Variants in SHTN1 observed in about 807,000 individuals in gnomAD.
SHTN1 encodes shootin 1.
SHTN1 carries 42 observed loss-of-function variants against 83.1 expected under a neutral mutation model. The observed-to-expected ratio is 0.51, with a 90% CI of 0.39 to 0.65. SHTN1 has a LOEUF of 0.65. SHTN1 is among the 30% of genes least tolerant of loss of function. The pLI is 0.00. For synonymous variants in SHTN1, 224 were observed against 247.7 expected (o/e 0.90, Z 0.90); for missense variants, 622 against 737.8 (o/e 0.84, Z 1.82).
chr10:116,972,774 G>C (rs1339915225), intron 2 of SHTN1, among the ~76,000 whole-genome samples: 1 of 152,220 alleles, frequency 6.6e-6, no homozygotes, highest in Non-Finnish European at 1.5e-5. Flanking sequence ...TCAAGGCTGA[G>C]GTAGAACCCA....
rs573610873 is a variant in SHTN1, at chr10:116,949,359, G to A, written c.535-362C>T. On this transcript the variant is annotated intron_variant, in intron 6 of 16. Coordinates refer to ENST00000355371, the MANE Select transcript of SHTN1 (RefSeq NM_001127211.3). ...TGCCGAGGCTGGTCTCGAACTCCTG[G>A]GCTCAAGCAATCCTCCTGCTTCAGC... 4.6e-5 allele frequency among the ~76,000 whole-genome samples: 7 copies of A among 152,060 alleles called. No homozygotes were observed. In the South Asian group the frequency reaches 1.5e-3, roughly 32 times the overall value.
intron 6 of SHTN1, among the ~76,000 whole-genome samples, chr10:116,951,538 T>C (rs543627251): frequency 2.0e-5 from 3 of 152,226 alleles, no homozygotes; most frequent in East Asian, 1.9e-4. Flanking sequence ...TCCTTCCCAA[T>C]TGAACCAGTC....
intron 1 of SHTN1, among the ~76,000 whole-genome samples, chr10:117,123,072 G>A (rs1024936009): frequency 7.9e-5 from 12 of 151,722 alleles, no homozygotes; most frequent in African/African-American, 2.2e-4. Context: ...GTGTGATCTC[G>A]GCTCACTGCA....
intron 2 of SHTN1, among the ~76,000 whole-genome samples, chr10:117,015,908 T>C (rs1036286010): frequency 2.0e-5 from 3 of 152,232 alleles, no homozygotes; most frequent in Admixed American, 6.5e-5. Context: ...AGGTCCTCAA[T>C]GTGGATTCCT....
At chr10:116,912,111 G>T (rs1309650574) in intron 13 of SHTN1, among the ~76,000 whole-genome samples, 1 of 152,156 alleles carries the variant, frequency 6.6e-6, no homozygotes, top group Non-Finnish European at 1.5e-5. Context: ...GTTACCTCTT[G>T]ATTATTATCA....
intron 4 of SHTN1, among the ~76,000 whole-genome samples, chr10:116,959,448 A>G (rs1326127122): frequency 6.6e-6 from 1 of 152,188 alleles, no homozygotes; most frequent in African/African-American, 2.4e-5. Context: ...GAGGGGAGGG[A>G]AAAGAAACAC....
intron 2 of SHTN1, among the ~76,000 whole-genome samples, chr10:117,036,310 G>A (rs1435438518): frequency 1.3e-5 from 2 of 152,132 alleles, no homozygotes; most frequent in Non-Finnish European, 2.9e-5. Flanking sequence ...AAAAAAATCA[G>A]TATATTAAAG....
At chr10:116,970,029 G>C (rs1028344232) in intron 2 of SHTN1, among the ~76,000 whole-genome samples, 2 of 152,164 alleles carry the variant, frequency 1.3e-5, no homozygotes, top group South Asian at 4.2e-4. Flanking sequence ...CATCCCTTTG[G>C]ATGTTCTTAA....
chr10:116,901,948 C>T lies in SHTN1; in HGVS notation c.1490G>A (p.Gly497Glu), dbSNP rs919142769. 3 of 1,595,630 alleles carry T rather than the reference C, an allele frequency of 1.9e-6. No individual in the cohort carries two copies. The highest frequency in any genetic ancestry group is 2.6e-6 in the Non-Finnish European group (3 of 1,173,482). ...TTTGGACTCTGAGGTGGCTAATATCCCAGTTGGACCTTAAAACCAAACACA... is the reference window on the plus strand; with the variant it reads ...TTTGGACTCTGAGGTGGCTAATATCTCAGTTGGACCTTAAAACCAAACACA... ...TAEADSSSPT[G>E]ILATSESKSM... The change falls in exon 16 of 17, where the codon GGG becomes GAG. Residue 497 changes from glycine (G) to glutamate (E), a missense_variant. This residue lies in a region of SHTN1 where 231 missense variants were observed against 251.6 expected (regional missense o/e 0.92). Transcript: ENST00000355371.
intron 16 of SHTN1, 146 bp downstream of exon 16, chr10:116,901,610 TAGAATGAAA>T (rs1452027291): frequency 1.0e-6 from 1 of 985,198 alleles, no homozygotes; most frequent in African/African-American, 1.7e-5. Context: ...GCTAGGAGCC[TAGAATGAAA>T]AAGCTGGCCC....
Position 116,884,332 on chromosome 10 carries a change from T to C in SHTN1, c.*2012A>G, listed in dbSNP as rs902120759. On this transcript the variant is annotated 3_prime_UTR_variant, in exon 17 of 17. Coordinates refer to ENST00000355371, the MANE Select transcript of SHTN1 (RefSeq NM_001127211.3). ...GGGAAAAACTGTAGGCAGAAAAAGGTGAGTGAATATCTTCCATCAAATACC... is the reference window on the plus strand; with the variant it reads ...GGGAAAAACTGTAGGCAGAAAAAGGCGAGTGAATATCTTCCATCAAATACC... 2 of 444,516 alleles carry C rather than the reference T, an allele frequency of 4.5e-6. No homozygotes were observed. Among genetic ancestry groups the C allele is most frequent in the Non-Finnish European group, 4.6e-6 (1 of 217,600 alleles). 27.5% of individuals were successfully genotyped at this position (444,516 alleles called of 1,614,324 possible). A position where few individuals can be genotyped will look rare whatever the true frequency, so the allele number is the denominator to read the frequency against.
At chr10:117,121,687 T>C (rs1340885840) in intron 1 of SHTN1, among the ~76,000 whole-genome samples, 1 of 151,976 alleles carries the variant, frequency 6.6e-6, no homozygotes, top group Admixed American at 6.6e-5. Context: ...AAGTCCTTAA[T>C]GTAAAATGGC....
chr10:117,009,152 T>C (rs1177131390), upstream of SHTN1, among the ~76,000 whole-genome samples: 1 of 151,528 alleles, frequency 6.6e-6, no homozygotes, highest in Non-Finnish European at 1.5e-5. Context: ...CAACCAAATA[T>C]GCACAAAAGG....
chr10:116,903,569 CAT>C (rs1847836309), intron 15 of SHTN1, among the ~76,000 whole-genome samples: 1 of 152,068 alleles, frequency 6.6e-6, no homozygotes, highest in African/African-American at 2.4e-5. Flanking sequence ...TGTCAAGCCT[CAT>C]GTTGCATGGA....
intron 1 of SHTN1, among the ~76,000 whole-genome samples, chr10:117,116,341 T>C (rs1853847034): frequency 6.6e-6 from 1 of 152,142 alleles, no homozygotes; most frequent in African/African-American, 2.4e-5. Context: ...CCTGGACACA[T>C]GCAACCTACC....
intron 2 of SHTN1, among the ~76,000 whole-genome samples, chr10:117,046,556 A>G (rs1471928041): frequency 6.6e-6 from 1 of 152,234 alleles, no homozygotes; most frequent in Non-Finnish European, 1.5e-5. Flanking sequence ...ACATATGTAC[A>G]CACAAAAACA....
At chr10:116,949,884 A>T (rs935347916) in intron 6 of SHTN1, among the ~76,000 whole-genome samples, 5 of 152,188 alleles carry the variant, frequency 3.3e-5, no homozygotes, top group Non-Finnish European at 7.3e-5. Flanking sequence ...AAAGAACATA[A>T]AGTAAAGCTA....
At position 116,952,003 on chromosome 10, in the gene SHTN1, A is replaced by T; in HGVS notation, c.440T>A (p.Leu147His). The T allele has an allele frequency of 6.7e-7, 1 of 1,484,520 alleles. No homozygotes were observed. The highest frequency in any genetic ancestry group is 9.0e-7 in the Non-Finnish European group (1 of 1,109,898). The allele number at this position is 1,484,520 out of a possible 1,614,324, so 92.0% of individuals were successfully genotyped here. ...SVQCQKQIKELRDQIVSVQEE... is the reference protein window; with the variant it reads ...SVQCQKQIKEHRDQIVSVQEE... ...CTGAACAGATACAATTTGATCTCGA[A>T]GTTCTGCATTTTTAAAGAAAAAAAA... is the stretch of plus-strand genomic sequence containing the variant. The change falls in exon 6 of 17, where the codon CTT (leucine) becomes CAT (histidine). Residue 147 changes from leucine (L) to histidine (H), a missense_variant. Transcript: ENST00000355371.
Position 116,884,705 on chromosome 10 carries a change from A to C in SHTN1, c.*1639T>G, listed in dbSNP as rs533507899. ...ATCTTAGGGACTATTAAAAATTACT[A>C]AAGTTGTCAAATCATATACAATTTT... is the stretch of plus-strand genomic sequence containing the variant. On this transcript the variant is annotated 3_prime_UTR_variant, in exon 17 of 17. Transcript: ENST00000355371. The C allele has an allele frequency of 6.4e-6, 1 of 156,040 alleles. No homozygotes were observed. Among genetic ancestry groups the C allele is most frequent in the Non-Finnish European group, 1.4e-5 (1 of 69,996 alleles). The allele number at this position is 156,040 out of a possible 1,614,324, so 9.7% of individuals were successfully genotyped here.
Sources: allele counts gnomAD v4.1 joint callset (sites outside exome capture counted in the v4.1 genomes callset), GRCh38; gene constraint gnomAD v4.1.1; regional missense constraint gnomAD v4.1.1; transcripts MANE v1.5; gene names NCBI Gene and HGNC (gene_info 2026-07-23, HGNC 2026-07-21).